Variants in LRP1B observed in about 807,000 individuals in gnomAD.
LRP1B encodes the protein LDL receptor related protein 1B.
Under a neutral mutation model 556.6 loss-of-function variants are expected in LRP1B, and 217 were observed. The observed-to-expected ratio is 0.39, with a 90% CI of 0.35 to 0.44. The LOEUF (loss-of-function observed/expected upper bound fraction) is 0.44, where lower values mean the gene tolerates loss of function less well. LRP1B is among the 20% of genes least tolerant of loss of function. The probability of loss-of-function intolerance (pLI) is 1.00; values close to 1 mark genes in which losing one functional copy is unlikely to be tolerated. For synonymous variants in LRP1B, 2,047 were observed against 1,865.8 expected (o/e 1.10, Z -2.50); for missense variants, 5,053 against 5,620.8 (o/e 0.90, Z 3.23).
At chr2:141,539,594 T>C (rs377510462) in intron 2 of LRP1B, among the ~76,000 whole-genome samples, 1 of 152,134 alleles carries the variant, frequency 6.6e-6, no homozygotes, top group Non-Finnish European at 1.5e-5. Context: ...AATTCAAGGA[T>C]GTACAACAGT....
intron 2 of LRP1B, among the ~76,000 whole-genome samples, chr2:141,791,468 T>G (rs1695607897): frequency 1.3e-5 from 2 of 152,076 alleles, no homozygotes; most frequent in African/African-American, 2.4e-5. Flanking sequence ...ATAAACATCA[T>G]GTACATTTCA....
intron 2 of LRP1B, among the ~76,000 whole-genome samples, chr2:141,724,979 G>A (rs947496502): frequency 2.0e-5 from 3 of 151,804 alleles, no homozygotes; most frequent in Non-Finnish European, 2.9e-5. Flanking sequence ...TATAGAAACT[G>A]CCCTTCCCAA....
chr2:140,576,615 A>G (rs1420241184), intron 43 of LRP1B, among the ~76,000 whole-genome samples: 1 of 152,146 alleles, frequency 6.6e-6, no homozygotes, highest in Non-Finnish European at 1.5e-5. Flanking sequence ...GTTATTCACT[A>G]TACAAACCCT....
intron 6 of LRP1B, among the ~76,000 whole-genome samples, chr2:141,198,641 A>G (rs1681854411): frequency 6.6e-6 from 1 of 151,900 alleles, no homozygotes; most frequent in African/African-American, 2.4e-5. Context: ...ACCTCCTTCC[A>G]CTCACTTTTA....
At chr2:141,315,252 A>ATTTTTTTTTTTTTTTTTTTTTTTTTTTTT (rs34839276) in intron 3 of LRP1B, among the ~76,000 whole-genome samples, 2 of 77,164 alleles carry the variant, frequency 2.6e-5, no homozygotes, top group East Asian at 4.4e-4. Context: ...AATGATTGTA[A>ATTTTTTTTTTTTTTTTTTTTTTTTTTTTT]TTTTTTTTTT....
intron 3 of LRP1B, among the ~76,000 whole-genome samples, chr2:141,416,536 C>A (rs984786817): frequency 1.3e-5 from 2 of 150,054 alleles, no homozygotes; most frequent in Admixed American, 6.7e-5. Context: ...TCACCACAAC[C>A]TCTGCCTCCC....
chr2:141,646,665 A>C (rs1318181081), intron 2 of LRP1B, among the ~76,000 whole-genome samples: 1 of 152,168 alleles, frequency 6.6e-6, no homozygotes, highest in Non-Finnish European at 1.5e-5. Flanking sequence ...CCGTATAAAT[A>C]GTAATTACAC....
chr2:141,580,632 A>T (rs1306618769), intron 2 of LRP1B, among the ~76,000 whole-genome samples: 1 of 152,250 alleles, frequency 6.6e-6, no homozygotes, highest in Non-Finnish European at 1.5e-5. Context: ...TAAAAATAAT[A>T]GAAATATGAA....
chr2:141,639,349 T>C (rs9967696), intron 2 of LRP1B, among the ~76,000 whole-genome samples: 42,839 of 55,940 alleles, frequency 0.77, 16,837 homozygotes, highest in Middle Eastern at 0.92. Context: ...TATATATATA[T>C]ACACACACAC....
At chr2:140,549,145 T>C (rs1169565269) in intron 43 of LRP1B, among the ~76,000 whole-genome samples, 1 of 152,132 alleles carries the variant, frequency 6.6e-6, no homozygotes, top group Non-Finnish European at 1.5e-5. Flanking sequence ...AACATGCATC[T>C]GAATCACTTT....
At chr2:141,137,434 C>T (rs1182278556) in intron 7 of LRP1B, among the ~76,000 whole-genome samples, 6 of 151,566 alleles carry the variant, frequency 4.0e-5, no homozygotes, top group Non-Finnish European at 7.4e-5. Flanking sequence ...TTCTTGCAGG[C>T]GAGATGTAAA....
intron 1 of LRP1B, among the ~76,000 whole-genome samples, chr2:141,899,152 G>C (rs1699543261): frequency 6.6e-6 from 1 of 152,122 alleles, no homozygotes; most frequent in African/African-American, 2.4e-5. Flanking sequence ...GCAGTGGAAA[G>C]ATACTATTTC....
At chr2:141,276,284 A>G (rs143475700) in intron 3 of LRP1B, among the ~76,000 whole-genome samples, 1 of 142,662 alleles carries the variant, frequency 7.0e-6, no homozygotes, top group East Asian at 2.0e-4. Flanking sequence ...CTTTGGCTTG[A>G]TAATTTTTAC....
intron 1 of LRP1B, among the ~76,000 whole-genome samples, chr2:142,116,999 C>T (rs1312963943): frequency 2.6e-5 from 4 of 152,056 alleles, no homozygotes; most frequent in African/African-American, 9.7e-5. Context: ...TCTTCTGCTC[C>T]CTTTTTTTCT....
intron 2 of LRP1B, among the ~76,000 whole-genome samples, chr2:141,496,661 T>C (rs1013508628): frequency 2.0e-5 from 3 of 152,048 alleles, no homozygotes; most frequent in Non-Finnish European, 4.4e-5. Context: ...CAGATTCTTA[T>C]GAATGAGTCT....
At chr2:141,960,694 TATAAC>T (rs1449884101) in intron 1 of LRP1B, among the ~76,000 whole-genome samples, 4 of 151,860 alleles carry the variant, frequency 2.6e-5, no homozygotes. Context: ...TAAGTGGAAT[TATAAC>T]ATATCATTCT....
chr2:141,296,810 A>G (rs2679454), intron 3 of LRP1B, among the ~76,000 whole-genome samples: 6,956 of 152,176 alleles, frequency 0.046, 173 homozygotes, highest in South Asian at 0.11. Flanking sequence ...AAATGTTCCC[A>G]TTACCCAGGT....
intron 59 of LRP1B, among the ~76,000 whole-genome samples, chr2:140,480,434 T>C (rs573578457): frequency 1.3e-5 from 2 of 152,306 alleles, no homozygotes; most frequent in Admixed American, 1.3e-4. Flanking sequence ...CATGACCTAC[T>C]ATTTCCTTGT....
chr2:140,434,076 T>A (rs189636523), intron 66 of LRP1B, among the ~76,000 whole-genome samples: 218 of 152,164 alleles, frequency 1.4e-3, no homozygotes, highest in Non-Finnish European at 2.6e-3. Flanking sequence ...TTATTTATTT[T>A]TTTTTCATTT....
Sources: gnomAD v4.1 joint callset for allele counts (sites outside exome capture counted in the v4.1 genomes callset) on GRCh38, gnomAD v4.1.1 for gene constraint, MANE v1.5 for transcripts, NCBI Gene and HGNC (gene_info 2026-07-23, HGNC 2026-07-21) for gene names.